NTM: variants seen among roughly 807,000 people sequenced by gnomAD.
NTM encodes neurotrimin, also known as IgLON family member 2.
In NTM, 13 loss-of-function variants were observed where a neutral mutation model predicts 42.1. That is an observed-to-expected ratio of 0.31 (90% confidence interval 0.20 to 0.49). The LOEUF is 0.49. Ranked by LOEUF, NTM falls within the 20% of genes least tolerant of loss-of-function variation. The pLI is 0.99. For missense variants in NTM, 373 were observed against 452.8 expected (o/e 0.82, Z 1.60); for synonymous variants, 187 against 179.2 (o/e 1.04, Z -0.35).
chr11:131,941,134 A>C (rs1286467220), intron 2 of NTM, among the ~76,000 whole-genome samples: 1 of 152,262 alleles, frequency 6.6e-6, no homozygotes, highest in South Asian at 2.1e-4. Context: ...TTATATCTAC[A>C]TAATTTTAAA....
chr11:131,901,441 C>T (rs2053144960), intron 1 of NTM, among the ~76,000 whole-genome samples: 1 of 152,168 alleles, frequency 6.6e-6, no homozygotes, highest in African/African-American at 2.4e-5. Flanking sequence ...TCCATGTGAG[C>T]TAAAGTTTTA....
chr11:131,969,213 A>G (rs1181604546), intron 2 of NTM, among the ~76,000 whole-genome samples: 1 of 152,158 alleles, frequency 6.6e-6, no homozygotes, highest in Non-Finnish European at 1.5e-5. Flanking sequence ...TCAGTAGCTT[A>G]CTTTCCTGGG....
intron 1 of NTM, among the ~76,000 whole-genome samples, chr11:131,760,672 G>A (rs1390709108): frequency 1.3e-5 from 2 of 152,174 alleles, no homozygotes; most frequent in Non-Finnish European, 1.5e-5. Context: ...CTGTGTGGGG[G>A]CCGGGGAGGG....
chr11:132,166,258 A>G (rs1311193518), intron 3 of NTM, among the ~76,000 whole-genome samples: 1 of 152,162 alleles, frequency 6.6e-6, no homozygotes, highest in Non-Finnish European at 1.5e-5. Flanking sequence ...TACTAGACCT[A>G]TAATGTCAGT....
At chr11:131,789,635 A>AAGAAGAAGAAGAAGAAGAAGAAG (rs2090463396) in intron 1 of NTM, among the ~76,000 whole-genome samples, 1 of 37,906 alleles carries the variant, frequency 2.6e-5, no homozygotes, top group African/African-American at 9.4e-5. Context: ...GAAGAAGAAG[A>AAGAAGAAGAAGAAGAAGAAGAAG]AAAGAAGAAG....
intron 1 of NTM, among the ~76,000 whole-genome samples, chr11:131,436,666 TTC>T (rs759674626): frequency 6.6e-6 from 1 of 152,216 alleles, no homozygotes; most frequent in Non-Finnish European, 1.5e-5. Context: ...TATTTGATTC[TTC>T]TCTCTTTTCT....
chr11:131,766,847 G>A (rs758641165), intron 1 of NTM, among the ~76,000 whole-genome samples: 26 of 152,030 alleles, frequency 1.7e-4, no homozygotes, highest in Non-Finnish European at 8.8e-5. Flanking sequence ...CGTGAGTAAC[G>A]GGGCCCGTAA....
intron 2 of NTM, among the ~76,000 whole-genome samples, chr11:132,014,352 G>A (rs1420298251): frequency 1.3e-5 from 2 of 152,028 alleles, no homozygotes; most frequent in African/African-American, 2.4e-5. Context: ...TGCGGTAAAT[G>A]CGGGTGCACA....
chr11:132,300,808 TC>T (rs1283191034), intron 4 of NTM, among the ~76,000 whole-genome samples: 1 of 152,142 alleles, frequency 6.6e-6, no homozygotes, highest in Non-Finnish European at 1.5e-5. Context: ...TTTCTTGGAG[TC>T]CCTGTTACGT....
intron 1 of NTM, among the ~76,000 whole-genome samples, chr11:131,456,677 C>T (rs1259070898): frequency 6.6e-6 from 1 of 152,140 alleles, no homozygotes; most frequent in Non-Finnish European, 1.5e-5. Flanking sequence ...AATTTGGAGC[C>T]AAAGAACCTC....
Position 131,777,195 on chromosome 11 carries a change from C to A in NTM, c.83-134369C>A, listed in dbSNP as rs185120683. The A allele has an allele frequency of 9.2e-4, 289 of 314,638 alleles. 2 individuals carry two copies. Among genetic ancestry groups the A allele is most frequent in the African/African-American group, 6.3e-3 (277 of 44,238 alleles). The allele number at this position is 314,638 out of a possible 1,614,324, so 19.5% of individuals were successfully genotyped here. A position where few individuals can be genotyped will look rare whatever the true frequency, so the allele number is the denominator to read the frequency against. Reference sequence around the variant, plus strand: ...GCCTTGGTAGAGTGCCCTCTCTTTGCAAGCCTGAGCTAGACACCTTGGTTT... The same window carrying A: ...GCCTTGGTAGAGTGCCCTCTCTTTGAAAGCCTGAGCTAGACACCTTGGTTT... On this transcript the variant is annotated intron_variant, in intron 1 of 8. Coordinates refer to ENST00000683400, the MANE Select transcript of NTM (RefSeq NM_001352005.2).
intron 1 of NTM, among the ~76,000 whole-genome samples, chr11:131,420,845 T>C (rs1412407420): frequency 2.6e-5 from 4 of 152,208 alleles, no homozygotes; most frequent in Admixed American, 6.5e-5. Flanking sequence ...GAGAGTGTCA[T>C]GTCTTTAGAA....
At chr11:132,071,394 G>A (rs1184177306) in intron 2 of NTM, among the ~76,000 whole-genome samples, 5 of 151,760 alleles carry the variant, frequency 3.3e-5, no homozygotes, top group South Asian at 4.2e-4. Context: ...TAGTTAACAC[G>A]TCACACAGCC....
At position 131,643,155 on chromosome 11, in the gene NTM, A is replaced by T. The variant is rs538911150; in HGVS notation, c.83-268409A>T. Among the ~76,000 whole-genome samples the T allele has an allele frequency of 2.4e-3, 359 of 152,272 alleles. 1 individual carries two copies. The highest frequency in any genetic ancestry group is 8.1e-3 in the African/African-American group (335 of 41,558). ...CAGAAGCATCCGAGCCCCTGTCGTT[A>T]TTTTCAGCAAGTAACACTCAATTTG... is the stretch of plus-strand genomic sequence containing the variant. On this transcript the variant is annotated intron_variant, in intron 1 of 8. Transcript: ENST00000683400.
chr11:131,617,798 G>A (rs1333933931), intron 1 of NTM, among the ~76,000 whole-genome samples: 9 of 152,148 alleles, frequency 5.9e-5, no homozygotes. Flanking sequence ...TGAGGCTGAA[G>A]CAATGAAACA....
chr11:131,967,537 C>T (rs1428643903), intron 2 of NTM, among the ~76,000 whole-genome samples: 2 of 151,990 alleles, frequency 1.3e-5, no homozygotes, highest in Non-Finnish European at 2.9e-5. Context: ...GAGGACCAAG[C>T]CAGGACCATT....
intron 1 of NTM, among the ~76,000 whole-genome samples, chr11:131,801,154 C>A (rs184074894): frequency 6.6e-6 from 1 of 152,254 alleles, no homozygotes; most frequent in East Asian, 1.9e-4. Context: ...CCTGCTGTGA[C>A]CCACGTGAAC....
chr11:131,390,021 C>T (rs1322933206), intron 1 of NTM, among the ~76,000 whole-genome samples: 1 of 152,102 alleles, frequency 6.6e-6, no homozygotes, highest in Admixed American at 6.5e-5. Flanking sequence ...GGTCCATTTG[C>T]ATTGCTATGA....
chr11:131,810,475 T>G (rs1245570713), intron 1 of NTM, among the ~76,000 whole-genome samples: 3 of 152,278 alleles, frequency 2.0e-5, no homozygotes, highest in African/African-American at 7.2e-5. Flanking sequence ...CTCTGGTAGA[T>G]GAATGAGATC....
Sources: gnomAD v4.1 joint callset for allele counts (sites outside exome capture counted in the v4.1 genomes callset) on GRCh38, gnomAD v4.1.1 for gene constraint, MANE v1.5 for transcripts, NCBI Gene and HGNC (gene_info 2026-07-23, HGNC 2026-07-21) for gene names.